The following FSTL5 variants were observed in gnomAD, a reference collection of about 807,000 sequenced individuals.
FSTL5 encodes follistatin like 5.
Under a neutral mutation model 89.1 loss-of-function variants are expected in FSTL5, and 62 were observed. That is an observed-to-expected ratio of 0.70 (90% CI 0.57 to 0.86). The LOEUF is 0.86. Among genes scored for constraint, FSTL5 ranks in the 40% least tolerant of loss-of-function variants. The pLI is 0.00. For synonymous variants in FSTL5, 383 were observed against 346.2 expected, an observed-to-expected ratio of 1.11 and a Z score of -1.18; for missense variants, 1,057 against 1,001.6, an observed-to-expected ratio of 1.06 and a Z score of -0.75.
intron 4 of FSTL5, among the ~76,000 whole-genome samples, chr4:161,810,943 C>T (rs1490106465): frequency 6.6e-6 from 1 of 152,138 alleles, no homozygotes; most frequent in African/African-American, 2.4e-5. Flanking sequence ...GCAAGGAGCA[C>T]TCACAAAGTA....
intron 15 of FSTL5, among the ~76,000 whole-genome samples, chr4:161,431,326 G>A (rs1732360391): frequency 2.0e-5 from 3 of 151,902 alleles, no homozygotes; most frequent in Admixed American, 1.3e-4. Flanking sequence ...TAAAATGTAA[G>A]GCTTTTACTA....
intron 1 of FSTL5, among the ~76,000 whole-genome samples, chr4:162,118,347 G>A (rs575201025): frequency 3.3e-5 from 5 of 151,974 alleles, no homozygotes; most frequent in Admixed American, 2.0e-4. Flanking sequence ...TGCAAGCTCC[G>A]CCTTGCGGGT....
intron 4 of FSTL5, among the ~76,000 whole-genome samples, chr4:161,845,787 T>A (rs928095379): frequency 2.6e-5 from 4 of 152,184 alleles, no homozygotes; most frequent in Admixed American, 1.3e-4. Context: ...GGCGCACGTC[T>A]GTAATCCCAG....
chr4:161,389,226 A>ATTAGG, intron 15 of FSTL5, among the ~76,000 whole-genome samples: 1 of 152,248 alleles, frequency 6.6e-6, no homozygotes, highest in East Asian at 1.9e-4. Flanking sequence ...CCTGCACAGT[A>ATTAGG]TTAGGCCTAA....
intron 6 of FSTL5, among the ~76,000 whole-genome samples, chr4:161,754,973 C>G (rs1740522448): frequency 6.6e-6 from 1 of 151,946 alleles, no homozygotes; most frequent in Non-Finnish European, 1.5e-5. Flanking sequence ...AAACTTTTGT[C>G]CTGGAAAATG....
intron 2 of FSTL5, among the ~76,000 whole-genome samples, chr4:162,063,971 T>C (rs1304965765): frequency 1.3e-5 from 2 of 152,030 alleles, no homozygotes; most frequent in Non-Finnish European, 2.9e-5. Flanking sequence ...ATTTAAAAAA[T>C]AGACAAACAT....
intron 4 of FSTL5, among the ~76,000 whole-genome samples, chr4:161,865,349 G>A (rs1327558554): frequency 6.6e-6 from 1 of 152,150 alleles, no homozygotes; most frequent in African/African-American, 2.4e-5. Flanking sequence ...ATTGTGCAAA[G>A]ATCATTATTC....
At chr4:162,160,449 T>A (rs1359429398) in intron 1 of FSTL5, among the ~76,000 whole-genome samples, 1 of 151,580 alleles carries the variant, frequency 6.6e-6, no homozygotes, top group Non-Finnish European at 1.5e-5. Context: ...TGGTAAAGGA[T>A]AATTGGTCAC....
intron 3 of FSTL5, among the ~76,000 whole-genome samples, chr4:161,990,066 A>G (rs968632932): frequency 2.6e-5 from 4 of 152,132 alleles, no homozygotes; most frequent in Admixed American, 1.3e-4. Flanking sequence ...TGTAAAATCT[A>G]TTTCCAGCAT....
intron 1 of FSTL5, among the ~76,000 whole-genome samples, chr4:162,115,851 G>A (rs1230262766): frequency 6.6e-6 from 1 of 151,998 alleles, no homozygotes; most frequent in Non-Finnish European, 1.5e-5. Flanking sequence ...GAGTAATTAC[G>A]TTATTTAGTA....
chr4:162,092,268 A>G (rs1333895185), intron 2 of FSTL5, among the ~76,000 whole-genome samples: 1 of 152,162 alleles, frequency 6.6e-6, no homozygotes, highest in Non-Finnish European at 1.5e-5. Context: ...GCCAAGATTG[A>G]TAACCACTGT....
chr4:161,893,448 G>A (rs1052670636), intron 4 of FSTL5, among the ~76,000 whole-genome samples: 10 of 151,900 alleles, frequency 6.6e-5, no homozygotes, highest in African/African-American at 2.4e-4. Context: ...TTGTGGTTTT[G>A]CTTCATTTTT....
chr4:161,694,507 C>A (rs1738068462), intron 6 of FSTL5, among the ~76,000 whole-genome samples: 2 of 151,508 alleles, frequency 1.3e-5, no homozygotes, highest in Admixed American at 1.3e-4. Context: ...TACATCATAC[C>A]CTGCTTTTCA....
At chr4:161,754,531 A>G (rs1165743094) in intron 6 of FSTL5, among the ~76,000 whole-genome samples, 1 of 152,140 alleles carries the variant, frequency 6.6e-6, no homozygotes, top group Non-Finnish European at 1.5e-5. Context: ...GTTTAGTACT[A>G]CAGTCAAAGT....
In FSTL5 at chr4:162,147,001, C is replaced by T. The variant is rs532763890; in HGVS notation, c.-17+16614G>A. Among the ~76,000 whole-genome samples the T allele has an allele frequency of 3.3e-5, 5 of 151,974 alleles. No homozygotes were observed. The South Asian group carries it at 6.2e-4, about 19-fold the overall frequency. The stretch of plus-strand genomic sequence containing the variant: ...TTCACCATGTTGGCCAGGCTGGTCT[C>T]GAACTCCTGACCTCAAGTGATCTGC... On this transcript the variant is annotated intron_variant, in intron 1 of 15. Coordinates refer to ENST00000306100, the MANE Select transcript of FSTL5 (RefSeq NM_020116.5).
chr4:161,628,080 A>C (rs1735374793), intron 7 of FSTL5, among the ~76,000 whole-genome samples: 1 of 152,164 alleles, frequency 6.6e-6, no homozygotes, highest in Non-Finnish European at 1.5e-5. Context: ...TGGTTAAATA[A>C]GTCCCCGAGC....
chr4:162,009,034 C>T (rs2111125320), intron 3 of FSTL5, among the ~76,000 whole-genome samples: 1 of 152,098 alleles, frequency 6.6e-6, no homozygotes, highest in Admixed American at 6.6e-5. Context: ...TTCCTAACGT[C>T]CTACAAAAAG....
chr4:161,826,722 T>C (rs547543428), intron 4 of FSTL5, among the ~76,000 whole-genome samples: 14 of 152,326 alleles, frequency 9.2e-5, no homozygotes, highest in African/African-American at 3.4e-4. Context: ...CTGCTCACTT[T>C]TGGTGTCCAT....
intron 7 of FSTL5, among the ~76,000 whole-genome samples, chr4:161,610,205 G>A (rs186136947): frequency 1.8e-4 from 28 of 152,062 alleles, no homozygotes; most frequent in Admixed American, 1.8e-3. Context: ...TTGAAGGTTG[G>A]CTTTACTTCT....
Sources: gnomAD v4.1 joint callset for allele counts (sites outside exome capture counted in the v4.1 genomes callset) on GRCh38, gnomAD v4.1.1 for gene constraint, MANE v1.5 for transcripts, NCBI Gene and HGNC (gene_info 2026-07-23, HGNC 2026-07-21) for gene names.